The following CHAT variants were observed in gnomAD, a reference collection of about 807,000 sequenced individuals.
The protein encoded by CHAT is choline O-acetyltransferase, also known as acetyl CoA:choline O-acetyltransferase.
Under a neutral mutation model 76.9 loss-of-function variants are expected in CHAT, and 61 were observed. The ratio of observed to expected loss-of-function variants is 0.79; its 90% confidence interval spans 0.65 to 0.98. The LOEUF is 0.98. CHAT is among the 50% of genes least tolerant of loss of function. The probability of loss-of-function intolerance (pLI) is 0.00; values close to 1 mark genes in which losing one functional copy is unlikely to be tolerated. For synonymous variants in CHAT, 407 were observed against 397.4 expected (o/e 1.02, Z -0.29); for missense variants, 946 against 986.9 (o/e 0.96, Z 0.56).
At position 49,627,599 on chromosome 10, in the gene CHAT, A is replaced by T; in HGVS notation, c.934-9A>T. 6.2e-7 allele frequency: 1 copy of T among 1,613,930 alleles called. No homozygotes were observed. The highest frequency in any genetic ancestry group is 8.5e-7 in the Non-Finnish European group (1 of 1,179,878). On this transcript the variant is annotated splice_polypyrimidine_tract_variant and intron_variant, in intron 6 of 14. Coordinates refer to ENST00000337653, the MANE Select transcript of CHAT (RefSeq NM_020549.5). ...AACAAGTGACATGTTTGACCTGTTT[A>T]CCCCACAGTTCTTTGTCTTGGATGT...
intron 5 of CHAT, among the ~76,000 whole-genome samples, chr10:49,623,159 G>C (rs544035347): frequency 6.6e-6 from 1 of 152,112 alleles, no homozygotes; most frequent in Admixed American, 6.5e-5. Context: ...CTTCTTCGTG[G>C]ACAGCATTCT....
In CHAT at chr10:49,619,810, A is replaced by G. The variant is rs2132710627; in HGVS notation, c.473A>G (p.Gln158Arg). The change falls in exon 3 of 15, where the codon CAG (glutamine) becomes CGG (arginine). Residue 158 changes from glutamine (Q) to arginine (R), a missense_variant. Gln to Arg is a conservative substitution (Grantham distance 43, BLOSUM62 1). Around this residue, in one of 3 missense-constraint regions of CHAT, gnomAD observed 548 missense variants for 516.2 expected, o/e 1.06. Coordinates refer to ENST00000337653, the MANE Select transcript of CHAT (RefSeq NM_020549.5). The part of the protein sequence containing the change: ...QCMRHLVSEE[Q>R]FRKSQAIVQQ... ...ATGCGACACTTGGTGTCTGAGGAGC[A>G]GTTCAGGAAGAGCCAGGCCATTGTG... 6.2e-7 allele frequency: 1 copy of G among 1,614,134 alleles called. No individual in the cohort carries two copies. The highest frequency in any genetic ancestry group is 1.3e-5 in the African/African-American group (1 of 75,066).
chr10:49,627,653 G>A lies in CHAT; in HGVS notation c.979G>A (p.Gly327Arg). 2 of 1,614,136 alleles carry A rather than the reference G, an allele frequency of 1.2e-6. No homozygotes were observed. Among genetic ancestry groups the A allele is most frequent in the Non-Finnish European group, 1.7e-6 (2 of 1,179,988 alleles). The change falls in exon 7 of 15, where the codon GGG becomes AGG. Residue 327 changes from glycine (G) to arginine (R), a missense_variant. By Grantham distance (125) the Gly-to-Arg change is moderately radical. This residue lies in a region of CHAT where 548 missense variants were observed against 516.2 expected (regional missense o/e 1.06). Transcript: ENST00000337653. Reference protein sequence around the residue: ...VVINFRRLSEGDLFTQLRKIV... With the variant: ...VVINFRRLSERDLFTQLRKIV... ...CATTAATTTCCGCCGTCTCAGTGAG[G>A]GGGATCTGTTCACTCAGTTGAGAAA...
chr10:49,662,081 TAGC>T (rs1840210741), intron 13 of CHAT, among the ~76,000 whole-genome samples: 2 of 152,200 alleles, frequency 1.3e-5, no homozygotes, highest in African/African-American at 4.8e-5. Context: ...AGCCATGAAA[TAGC>T]AGCCAAGATT....
intron 11 of CHAT, 78 bp from the exon 12 acceptor site, chr10:49,655,017 T>C: frequency 6.7e-7 from 1 of 1,503,238 alleles, no homozygotes; most frequent in South Asian, 1.1e-5. Flanking sequence ...TAAAGCTTGC[T>C]GAGGCAATTT....
rs4838545 is a variant in CHAT, at chr10:49,652,337, T to C, written c.1634+331T>C. ...CTGCTCTCCATCCCAACTTCCCCCA[T>C]CTCACCCAAGCCCTATTGCTGCAAC... is the stretch of plus-strand genomic sequence containing the variant. On this transcript the variant is annotated intron_variant, in intron 11 of 14. Coordinates refer to ENST00000337653, the MANE Select transcript of CHAT (RefSeq NM_020549.5). Among the ~76,000 whole-genome samples the C allele has an allele frequency of 0.97, 146,969 of 152,162 alleles. 71,223 individuals are homozygous for C. The highest frequency in any genetic ancestry group is 1 in the East Asian group (5,174 of 5,174).
At chr10:49,659,288 T>C (rs1178860774) in intron 13 of CHAT, among the ~76,000 whole-genome samples, 1 of 152,120 alleles carries the variant, frequency 6.6e-6, no homozygotes, top group Non-Finnish European at 1.5e-5. Flanking sequence ...ACAGAGAAAG[T>C]CTCAAACATT....
chr10:49,650,769 G>A (rs563310383), intron 10 of CHAT, among the ~76,000 whole-genome samples: 15 of 152,306 alleles, frequency 9.8e-5, no homozygotes, highest in Non-Finnish European at 1.8e-4. Context: ...GGAAGCTGAA[G>A]AGCGGGAAGG....
chr10:49,651,773 C>T, intron 10 of CHAT, 111 bp from the exon 11 acceptor site: 1 of 1,123,122 alleles, frequency 8.9e-7, no homozygotes, highest in East Asian at 2.6e-5. Context: ...ACTACGTCCG[C>T]ACCTTCCAGA....
intron 7 of CHAT, among the ~76,000 whole-genome samples, chr10:49,646,097 C>G (rs1208017701): frequency 6.6e-6 from 1 of 152,272 alleles, no homozygotes; most frequent in African/African-American, 2.4e-5. Flanking sequence ...TGCCTACACA[C>G]AGATGTGGCT....
chr10:49,638,055 A>G (rs538540817), intron 7 of CHAT, among the ~76,000 whole-genome samples: 5 of 152,308 alleles, frequency 3.3e-5, no homozygotes, highest in East Asian at 3.9e-4. Flanking sequence ...TCCAAGTACA[A>G]TTGTGGATTT....
chr10:49,623,626 C>A (rs1838808195), intron 5 of CHAT, among the ~76,000 whole-genome samples: 1 of 152,186 alleles, frequency 6.6e-6, no homozygotes, highest in Non-Finnish European at 1.5e-5. Flanking sequence ...CCTCAGCCAT[C>A]CCCACCGGGG....
intron 7 of CHAT, 128 bp downstream of exon 7, chr10:49,627,913 A>C: frequency 9.2e-7 from 1 of 1,089,824 alleles, no homozygotes; most frequent in Non-Finnish European, 1.3e-6. Flanking sequence ...GGCCCACAGC[A>C]TGCCCTGCGG....
rs1840333396 is a variant in CHAT, at chr10:49,666,021, C to G, written c.*975C>G. Among the ~76,000 whole-genome samples the G allele has an allele frequency of 6.6e-6, 1 of 152,156 alleles. No individual in the cohort carries two copies. Among genetic ancestry groups the G allele is most frequent in the South Asian group, 2.1e-4 (1 of 4,822 alleles). On this transcript the variant is annotated 3_prime_UTR_variant, in exon 15 of 15. Transcript: ENST00000337653. ...TTAAGACAGAGATTTTTAAGAAAAC[C>G]ACCCTGACATTAATTTCAGAAATTC...
chr10:49,634,446 A>T (rs1447670200), intron 7 of CHAT, among the ~76,000 whole-genome samples: 1 of 152,224 alleles, frequency 6.6e-6, no homozygotes, highest in Non-Finnish European at 1.5e-5. Flanking sequence ...GAACTTGAAC[A>T]TGAGTACTGT....
At chr10:49,621,976 A>AGGGAGGGAGAC in intron 4 of CHAT, 121 bp from the exon 5 acceptor site, 3 of 1,043,570 alleles carry the variant, frequency 2.9e-6, no homozygotes, top group Non-Finnish European at 1.5e-6. Context: ...GGGAGGGAGA[A>AGGGAGGGAGAC]GGGAGGGAAG....
At chr10:49,660,600 G>C (rs1840164577) in intron 13 of CHAT, among the ~76,000 whole-genome samples, 1 of 152,164 alleles carries the variant, frequency 6.6e-6, no homozygotes, top group South Asian at 2.1e-4. Context: ...TACCTTTGTG[G>C]GGTAGGAATC....
At chr10:49,663,725 A>G (rs1272213303) in intron 14 of CHAT, among the ~76,000 whole-genome samples, 1 of 152,210 alleles carries the variant, frequency 6.6e-6, no homozygotes, top group Admixed American at 6.5e-5. Context: ...ACTGGAGTTG[A>G]TAAGCTGTGT....
At position 49,649,620 on chromosome 10, in the gene CHAT, G is replaced by GCAGAAAAACT; in HGVS notation, c.1496_1505dup (p.Gln503ArgfsTer11). On this transcript the variant is annotated frameshift_variant, in exon 10 of 15. Coordinates refer to ENST00000337653, the MANE Select transcript of CHAT (RefSeq NM_020549.5). LOFTEE classifies it high-confidence loss of function. ...AATTCAAGGCCACTTAGCCTCCTCG[G>GCAGAAAAACT]CAGAAAAACTTCAACGGTAAGGATA... 6.2e-7 allele frequency: 1 copy of GCAGAAAAACT among 1,613,788 alleles called. No homozygotes were observed. The highest frequency in any genetic ancestry group is 8.5e-7 in the Non-Finnish European group (1 of 1,180,036).
Sources: allele counts gnomAD v4.1 joint callset (sites outside exome capture counted in the v4.1 genomes callset), GRCh38; gene constraint gnomAD v4.1.1; regional missense constraint gnomAD v4.1.1; transcripts MANE v1.5; gene names NCBI Gene and HGNC (gene_info 2026-07-23, HGNC 2026-07-21).